The following IL1RAPL1 variants were observed in gnomAD, a reference collection of about 807,000 sequenced individuals.
IL1RAPL1 encodes interleukin-1 receptor accessory protein-like 1.
In IL1RAPL1, 3 loss-of-function variants were observed where a neutral mutation model predicts 48.4. The observed-to-expected ratio is 0.06, with a 90% CI of 0.03 to 0.16. The LOEUF (loss-of-function observed/expected upper bound fraction) is 0.16. IL1RAPL1 is among the 10% of genes least tolerant of loss of function. The pLI is 1.00. For synonymous variants in IL1RAPL1, 185 were observed against 187.7 expected (o/e 0.99, Z 0.12); for missense variants, 349 against 530.6 (o/e 0.66, Z 3.36).
At chrX:28,867,348 A>C (rs773715318) in intron 2 of IL1RAPL1, among the ~76,000 whole-genome samples, 2 of 111,533 alleles carry the variant, frequency 1.8e-5, no homozygotes, top group South Asian at 7.6e-4. Flanking sequence ...TGCTAGTCAT[A>C]ATTGACCATG....
At chrX:29,873,793 G>A (rs1314553792) in intron 6 of IL1RAPL1, among the ~76,000 whole-genome samples, 1 of 111,634 alleles carries the variant, frequency 9.0e-6, no homozygotes, top group East Asian at 2.8e-4. Context: ...GTACAGCAAT[G>A]CCAACAATGG....
At chrX:28,615,199 GTT>G (rs778402885) in intron 1 of IL1RAPL1, among the ~76,000 whole-genome samples, 3 of 26,056 alleles carry the variant, frequency 1.2e-4, no homozygotes, top group African/African-American at 2.8e-4. Flanking sequence ...ACTGTTGTCT[GTT>G]TTTTTTTTTT....
intron 3 of IL1RAPL1, among the ~76,000 whole-genome samples, chrX:29,364,819 TG>T (rs1933428484): frequency 9.0e-6 from 1 of 111,060 alleles, no homozygotes; most frequent in African/African-American, 3.3e-5. Flanking sequence ...CTTGAACATC[TG>T]TGGGTTTCAG....
intron 2 of IL1RAPL1, among the ~76,000 whole-genome samples, chrX:28,878,476 A>G (rs1386163911): frequency 8.9e-6 from 1 of 112,342 alleles, no homozygotes; most frequent in African/African-American, 3.2e-5. Flanking sequence ...CATGTGTCAC[A>G]GTTCAGAGAC....
intron 2 of IL1RAPL1, among the ~76,000 whole-genome samples, chrX:29,033,857 G>T (rs909105214): frequency 1.6e-4 from 17 of 108,916 alleles, no homozygotes; most frequent in Non-Finnish European, 2.7e-4. Flanking sequence ...AGCTAGGGCA[G>T]TACCAATGAG....
intron 5 of IL1RAPL1, among the ~76,000 whole-genome samples, chrX:29,443,060 T>A (rs1166190502): frequency 9.0e-6 from 1 of 111,237 alleles, no homozygotes; most frequent in Non-Finnish European, 1.9e-5. Context: ...CCCACCATTA[T>A]ACGATGAAAC....
chrX:29,094,589 C>G (rs1448038650), intron 2 of IL1RAPL1, among the ~76,000 whole-genome samples: 1 of 74,007 alleles, frequency 1.4e-5, no homozygotes, highest in East Asian at 4.1e-4. Flanking sequence ...GAAACTCTAT[C>G]TCTACTTAAA....
chrX:29,124,210 A>G (rs1009348919), intron 2 of IL1RAPL1, among the ~76,000 whole-genome samples: 5 of 112,154 alleles, frequency 4.5e-5, no homozygotes, highest in African/African-American at 1.6e-4. Flanking sequence ...GCTTGAGTCA[A>G]TCCTTGGAAA....
intron 5 of IL1RAPL1, among the ~76,000 whole-genome samples, chrX:29,599,056 ACTATT>A (rs1321801875): frequency 8.9e-6 from 1 of 112,022 alleles, no homozygotes; most frequent in Non-Finnish European, 1.9e-5. Flanking sequence ...GGTGTGAAGT[ACTATT>A]CTATTCATTG....
chrX:29,845,672 C>A (rs1280422882), intron 6 of IL1RAPL1, among the ~76,000 whole-genome samples: 4 of 110,834 alleles, frequency 3.6e-5, no homozygotes, highest in African/African-American at 1.3e-4. Flanking sequence ...CCCCAACACG[C>A]AACTACTGTA....
At chrX:29,133,119 G>A (rs1929056099) in intron 2 of IL1RAPL1, among the ~76,000 whole-genome samples, 1 of 111,297 alleles carries the variant, frequency 9.0e-6, no homozygotes, top group Non-Finnish European at 1.9e-5. Context: ...GGCAGCCCAG[G>A]TATTAGCAAC....
intron 5 of IL1RAPL1, among the ~76,000 whole-genome samples, chrX:29,413,020 T>A (rs940677171): frequency 3.6e-5 from 4 of 112,156 alleles, no homozygotes; most frequent in Admixed American, 9.4e-5. Flanking sequence ...GCTCCCATAA[T>A]TCCCACATCT....
At chrX:28,678,167 A>G (rs2146918112) in intron 1 of IL1RAPL1, among the ~76,000 whole-genome samples, 1 of 111,558 alleles carries the variant, frequency 9.0e-6, no homozygotes, top group Non-Finnish European at 1.9e-5. Flanking sequence ...TTTGAGAGGG[A>G]AAAGGTGTGG....
chrX:29,521,253 G>A (rs1449084352), intron 5 of IL1RAPL1, among the ~76,000 whole-genome samples: 2 of 111,863 alleles, frequency 1.8e-5, no homozygotes, highest in African/African-American at 6.5e-5. Flanking sequence ...GCCTCGGTGA[G>A]TAGGCATTAT....
intron 5 of IL1RAPL1, among the ~76,000 whole-genome samples, chrX:29,399,661 A>G (rs1285195609): frequency 1.8e-5 from 2 of 110,639 alleles, no homozygotes; most frequent in Admixed American, 1.9e-4. Context: ...TCTACTAAAA[A>G]TACAAAAATT....
chrX:29,132,734 T>A (rs193208427), intron 2 of IL1RAPL1, among the ~76,000 whole-genome samples: 3 of 112,185 alleles, frequency 2.7e-5, no homozygotes, highest in African/African-American at 6.5e-5. Context: ...CAGGCTTTTG[T>A]CTTCCCTTGA....
At chrX:29,187,356 A>G (rs1277067319) in intron 2 of IL1RAPL1, among the ~76,000 whole-genome samples, 2 of 111,501 alleles carry the variant, frequency 1.8e-5, no homozygotes, top group Non-Finnish European at 3.8e-5. Context: ...CCACAGGTTC[A>G]TGAATACTGG....
intron 6 of IL1RAPL1, among the ~76,000 whole-genome samples, chrX:29,724,108 C>T (rs907465128): frequency 1.1e-4 from 12 of 111,786 alleles, no homozygotes; most frequent in African/African-American, 3.9e-4. Flanking sequence ...AGCCACCATG[C>T]CTGGCCAATA....
chrX:29,162,005 C>T (rs1170803989), intron 2 of IL1RAPL1, among the ~76,000 whole-genome samples: 4 of 112,173 alleles, frequency 3.6e-5, no homozygotes, highest in East Asian at 5.6e-4. Flanking sequence ...GGCACATATA[C>T]ACTATGGAAT....
Sources: gnomAD v4.1 joint callset for allele counts (sites outside exome capture counted in the v4.1 genomes callset) on GRCh38, gnomAD v4.1.1 for gene constraint, MANE v1.5 for transcripts, NCBI Gene and HGNC (gene_info 2026-07-23, HGNC 2026-07-21) for gene names.